The following C4BPA variants were observed in gnomAD, a reference collection of about 807,000 sequenced individuals.
C4BPA encodes C4b-binding protein alpha chain.
A neutral mutation model predicts 63.7 loss-of-function variants in C4BPA; 31 were observed. The ratio of observed to expected loss-of-function variants is 0.49; its 90% confidence interval spans 0.37 to 0.66. C4BPA has a LOEUF of 0.66. Ranked by LOEUF, C4BPA falls within the 30% of genes least tolerant of loss-of-function variation. The pLI is 0.00. For missense variants in C4BPA, 572 were observed against 723.3 expected (o/e 0.79, Z 2.40); for synonymous variants, 259 against 254.7 (o/e 1.02, Z -0.16).
At chr1:207,143,797 A>C in intron 10 of C4BPA, 21 bp from the exon 11 acceptor site, 1 of 1,574,558 alleles carries the variant, frequency 6.4e-7, no homozygotes, top group Non-Finnish European at 8.7e-7. Context: ...CAGATTTCTT[A>C]AAAATATGTT....
chr1:207,138,955 C>T (rs1259353375), intron 9 of C4BPA, among the ~76,000 whole-genome samples: 1 of 152,096 alleles, frequency 6.6e-6, no homozygotes, highest in Non-Finnish European at 1.5e-5. Context: ...CATGCTAATA[C>T]CTCTTGCTTA....
At chr1:207,121,478 C>T (rs928245747) in intron 4 of C4BPA, among the ~76,000 whole-genome samples, 1 of 151,738 alleles carries the variant, frequency 6.6e-6, no homozygotes, top group Non-Finnish European at 1.5e-5. Context: ...TAATTTTATG[C>T]TGTCTTTTAT....
Position 207,134,899 on chromosome 1 carries a change from G to A in C4BPA, c.1273+307G>A, listed in dbSNP as rs537474294. On this transcript the variant is annotated intron_variant, in intron 9 of 11. Transcript: ENST00000367070. ...ATTTCTGGTCCATATGTCTCAATCTGCAGAAGAAGAACTGTCGAAATCTAT... is the reference window on the plus strand; with the variant it reads ...ATTTCTGGTCCATATGTCTCAATCTACAGAAGAAGAACTGTCGAAATCTAT... Among the ~76,000 whole-genome samples, 56 of 152,272 alleles carry A rather than the reference G, an allele frequency of 3.7e-4. 2 individuals are homozygous for A. In the South Asian group the frequency reaches 0.011, roughly 30 times the overall value.
Position 207,119,453 on chromosome 1 carries a change from T to C in C4BPA, c.428+3938T>C, listed in dbSNP as rs1684879998. On this transcript the variant is annotated intron_variant, in intron 4 of 11. Coordinates refer to ENST00000367070, the MANE Select transcript of C4BPA (RefSeq NM_000715.4). The stretch of plus-strand genomic sequence containing the variant: ...CTTAGCTAAGTTGACACAACATAAA[T>C]CTACCACAGCTCACTCCTTGTCAAA... Among the ~76,000 whole-genome samples, 4 of 93,546 alleles carry C rather than the reference T, an allele frequency of 4.3e-5. 2 individuals carry two copies. The South Asian group carries it at 2.0e-3, about 46-fold the overall frequency. The allele number at this position is 93,546 out of a possible 152,430, so 61.4% of individuals were successfully genotyped here. A position where few individuals can be genotyped will look rare whatever the true frequency, so the allele number is the denominator to read the frequency against.
chr1:207,130,783 G>T (rs570045792), intron 7 of C4BPA, among the ~76,000 whole-genome samples: 1 of 152,260 alleles, frequency 6.6e-6, no homozygotes, highest in South Asian at 2.1e-4. Flanking sequence ...ATTAGTGGTT[G>T]TCAGGACCTA....
intron 9 of C4BPA, among the ~76,000 whole-genome samples, chr1:207,139,553 C>T (rs552995537): frequency 6.6e-6 from 1 of 152,226 alleles, no homozygotes; most frequent in Non-Finnish European, 1.5e-5. Flanking sequence ...AGGTCAAGAA[C>T]CCAATATAGG....
In C4BPA at chr1:207,144,611, A is replaced by T. The variant is rs1685493209; in HGVS notation, c.1688A>T (p.Glu563Val). The T allele has an allele frequency of 1.2e-6, 2 of 1,613,548 alleles. No homozygotes were observed. Among genetic ancestry groups the T allele is most frequent in the Non-Finnish European group, 1.7e-6 (2 of 1,179,784 alleles). ...CTCATGCAGTGTCTCCCAAACCCAG[A>T]GGATGTGAAAATGGCCCTGGAGGTA... ...KRLMQCLPNP[E>V]DVKMALEVYK... Residue 563 changes from glutamate to valine, a missense_variant, in exon 12 of 12, where the codon GAG becomes GTG. This residue lies in a region of C4BPA where 465 missense variants were observed against 629.4 expected (regional missense o/e 0.74). Transcript: ENST00000367070.
intron 9 of C4BPA, among the ~76,000 whole-genome samples, chr1:207,138,805 ATG>A (rs1685349479): frequency 6.6e-6 from 1 of 152,186 alleles, no homozygotes; most frequent in African/African-American, 2.4e-5. Context: ...TCAGAGTGGG[ATG>A]TGCAATTTGC....
intron 4 of C4BPA, among the ~76,000 whole-genome samples, chr1:207,122,437 T>G (rs1232799942): frequency 6.6e-6 from 1 of 152,198 alleles, no homozygotes; most frequent in African/African-American, 2.4e-5. Flanking sequence ...AAATTATTAT[T>G]CTTTATCTTT....
At chr1:207,131,012 C>T (rs1278362918) in intron 7 of C4BPA, among the ~76,000 whole-genome samples, 1 of 152,142 alleles carries the variant, frequency 6.6e-6, no homozygotes, top group Non-Finnish European at 1.5e-5. Flanking sequence ...CAATAATCAT[C>T]CAACGTGGTA....
In C4BPA at chr1:207,113,976, T is replaced by C. The variant is rs1170823912; in HGVS notation, c.143-124T>C. On this transcript the variant is annotated intron_variant, in intron 2 of 11. Coordinates refer to ENST00000367070, the MANE Select transcript of C4BPA (RefSeq NM_000715.4). ...CAGAGAGTATAATAGGAGTTATGAT[T>C]TTTCTTGACTAGAGATCATTCTTGA... 7 of 748,420 alleles carry C rather than the reference T, an allele frequency of 9.4e-6. No homozygotes were observed. In the African/African-American group the frequency reaches 1.2e-4, roughly 13 times the overall value. 46.4% of individuals were successfully genotyped at this position (748,420 alleles called of 1,614,324 possible). A position where few individuals can be genotyped will look rare whatever the true frequency, so the allele number is the denominator to read the frequency against.
intron 9 of C4BPA, among the ~76,000 whole-genome samples, chr1:207,140,695 T>C (rs1685395957): frequency 6.6e-6 from 1 of 152,186 alleles, no homozygotes; most frequent in African/African-American, 2.4e-5. Context: ...ACAGTACTGA[T>C]TGGGGAGCAA....
intron 1 of C4BPA, among the ~76,000 whole-genome samples, chr1:207,108,468 G>T (rs1183721795): frequency 6.6e-6 from 1 of 152,042 alleles, no homozygotes; most frequent in Admixed American, 6.5e-5. Context: ...CTGCTTTTTT[G>T]CAGCTGCAGA....
chr1:207,114,068 G>A (rs745587081), intron 2 of C4BPA, 32 bp from the exon 3 acceptor site: 1 of 1,591,724 alleles, frequency 6.3e-7, no homozygotes, highest in African/African-American at 1.3e-5. Context: ...CAAGGTATAA[G>A]TTTTGGTGCT....
intron 4 of C4BPA, among the ~76,000 whole-genome samples, chr1:207,117,791 G>A (rs1288703929): frequency 1.3e-5 from 2 of 152,162 alleles, no homozygotes; most frequent in African/African-American, 4.8e-5. Context: ...TATCTTTCCT[G>A]TGAGAGTTTC....
intron 6 of C4BPA, 138 bp from the exon 7 acceptor site, chr1:207,126,575 A>G: frequency 1.8e-6 from 1 of 559,222 alleles, no homozygotes. Flanking sequence ...TCACTTTAAA[A>G]TGTTTCCCTT....
Position 207,144,483 on chromosome 1 carries a change from C to T in C4BPA, c.1621-61C>T, listed in dbSNP as rs1355621255. The T allele has an allele frequency of 3.1e-5, 44 of 1,442,086 alleles. No individual in the cohort carries two copies. In the South Asian group the frequency reaches 4.3e-4, roughly 14 times the overall value. 89.3% of individuals were successfully genotyped at this position (1,442,086 alleles called of 1,614,324 possible). A position where few individuals can be genotyped will look rare whatever the true frequency, so the allele number is the denominator to read the frequency against. On this transcript the variant is annotated intron_variant, in intron 11 of 11. Coordinates refer to ENST00000367070, the MANE Select transcript of C4BPA (RefSeq NM_000715.4). Reference sequence around the variant, plus strand: ...CTGTAGTCCTTCCACTGTCAGGATCCACCCTCCTTTATGATTAGAAGAGAA... The same window carrying T: ...CTGTAGTCCTTCCACTGTCAGGATCTACCCTCCTTTATGATTAGAAGAGAA...
chr1:207,109,570 G>A (rs1684625412), intron 1 of C4BPA, among the ~76,000 whole-genome samples: 1 of 152,180 alleles, frequency 6.6e-6, no homozygotes, highest in Admixed American at 6.5e-5. Context: ...CATGTTCTGG[G>A]TGTGACTCCA....
At chr1:207,139,114 C>T (rs1685355468) in intron 9 of C4BPA, among the ~76,000 whole-genome samples, 1 of 152,190 alleles carries the variant, frequency 6.6e-6, no homozygotes, top group Non-Finnish European at 1.5e-5. Flanking sequence ...ACTCCTCACA[C>T]CTTCCATGTA....
Sources: gnomAD v4.1 joint callset for allele counts (sites outside exome capture counted in the v4.1 genomes callset) on GRCh38, gnomAD v4.1.1 for gene constraint, gnomAD v4.1.1 regional missense constraint, MANE v1.5 for transcripts, NCBI Gene and HGNC (gene_info 2026-07-23, HGNC 2026-07-21) for gene names.